The following CCDC192 variants were observed in gnomAD, a reference collection of about 807,000 sequenced individuals.
CCDC192 encodes coiled-coil domain containing 192.
chr5:127,919,183 T>A (rs956152503), intron 6 of CCDC192, among the ~76,000 whole-genome samples: 2 of 151,890 alleles, frequency 1.3e-5, no homozygotes, highest in African/African-American at 4.8e-5. Context: ...TGATGCAGCT[T>A]ATCCAGTTTG....
At chr5:127,847,367 A>G (rs149850167) in intron 5 of CCDC192, among the ~76,000 whole-genome samples, 2 of 152,278 alleles carry the variant, frequency 1.3e-5, no homozygotes, top group African/African-American at 4.8e-5. Flanking sequence ...ATAGTCCGTT[A>G]TATTTTTGCT....
At chr5:127,871,943 T>C (rs535555714) in intron 5 of CCDC192, among the ~76,000 whole-genome samples, 3 of 152,332 alleles carry the variant, frequency 2.0e-5, no homozygotes, top group Admixed American at 2.0e-4. Context: ...TCCTAGTTAC[T>C]AAGGAGACCA....
chr5:127,888,003 T>G (rs1249553892), intron 6 of CCDC192, among the ~76,000 whole-genome samples: 1 of 151,820 alleles, frequency 6.6e-6, no homozygotes, highest in Non-Finnish European at 1.5e-5. Flanking sequence ...GCGCCCAACC[T>G]TATTTACTAT....
At chr5:127,743,397 G>C (rs1753536756) in intron 2 of CCDC192, among the ~76,000 whole-genome samples, 1 of 152,108 alleles carries the variant, frequency 6.6e-6, no homozygotes, top group Non-Finnish European at 1.5e-5. Context: ...TTTCTGCATT[G>C]GAGTAGCCAT....
intron 5 of CCDC192, among the ~76,000 whole-genome samples, chr5:127,831,484 A>G (rs2127042925): frequency 6.6e-6 from 1 of 152,074 alleles, no homozygotes; most frequent in East Asian, 1.9e-4. Flanking sequence ...TTCTCACATT[A>G]CTTTCTTCCC....
At chr5:127,840,885 G>A (rs1161249558) in intron 5 of CCDC192, among the ~76,000 whole-genome samples, 1 of 152,178 alleles carries the variant, frequency 6.6e-6, no homozygotes, top group Non-Finnish European at 1.5e-5. Context: ...GGGTTTTTAA[G>A]TTTGATGAAT....
At chr5:127,731,663 CAGATA>C (rs1404419445) in intron 2 of CCDC192, among the ~76,000 whole-genome samples, 1 of 152,150 alleles carries the variant, frequency 6.6e-6, no homozygotes, top group Admixed American at 6.6e-5. Context: ...CGTACAAAAA[CAGATA>C]CATAGACCAA....
At chr5:127,864,441 G>A (rs1751511091) in intron 5 of CCDC192, among the ~76,000 whole-genome samples, 1 of 152,170 alleles carries the variant, frequency 6.6e-6, no homozygotes, top group Admixed American at 6.5e-5. Context: ...ATAGGATATT[G>A]AGATCTACTT....
In CCDC192 at chr5:127,749,550, T is replaced by G. The variant is rs996360833; in HGVS notation, c.115-4718T>G. 2.0e-3 allele frequency among the ~76,000 whole-genome samples: 299 copies of G among 152,094 alleles called. 3 individuals carry two copies. The highest frequency in any genetic ancestry group is 3.4e-3 in the Middle Eastern group (1 of 294). On this transcript the variant is annotated intron_variant, in intron 2 of 6. Coordinates refer to ENST00000514853, the MANE Select transcript of CCDC192 (RefSeq NM_001317938.2). Reference sequence around the variant, plus strand: ...TTGAGGATTTTTGCATCAATGTTCATCAAGGATATTGTTCTAAAATTCTCT... The same window carrying G: ...TTGAGGATTTTTGCATCAATGTTCAGCAAGGATATTGTTCTAAAATTCTCT...
intron 2 of CCDC192, among the ~76,000 whole-genome samples, chr5:127,717,693 CTT>C (rs1430497090): frequency 6.6e-6 from 1 of 151,898 alleles, no homozygotes; most frequent in Non-Finnish European, 1.5e-5. Flanking sequence ...TGGATGGACA[CTT>C]AACCTGGGAA....
At chr5:127,941,148 A>G (rs2126348975) in intron 6 of CCDC192, 34 bp from the exon 7 acceptor site, 1 of 399,000 alleles carries the variant, frequency 2.5e-6, no homozygotes, top group Non-Finnish European at 4.4e-6. Context: ...TCTAATCAAA[A>G]CTGCTCAGAC....
chr5:127,876,974 G>C (rs918219755), intron 6 of CCDC192, among the ~76,000 whole-genome samples: 1 of 152,068 alleles, frequency 6.6e-6, no homozygotes, highest in Non-Finnish European at 1.5e-5. Context: ...AATAAAATCC[G>C]TCACAGAATA....
intron 3 of CCDC192, among the ~76,000 whole-genome samples, chr5:127,763,889 C>A (rs1755068592): frequency 6.6e-6 from 1 of 152,162 alleles, no homozygotes; most frequent in Non-Finnish European, 1.5e-5. Context: ...CAAGAGACTT[C>A]TTTTCAGATC....
At chr5:127,754,674 C>A (rs1200478681) in intron 3 of CCDC192, among the ~76,000 whole-genome samples, 1 of 152,046 alleles carries the variant, frequency 6.6e-6, no homozygotes, top group Admixed American at 6.5e-5. Flanking sequence ...GTTAGGCAAA[C>A]CTTCTTTAAC....
At chr5:127,796,724 A>G (rs1254779970) in intron 3 of CCDC192, among the ~76,000 whole-genome samples, 1 of 152,202 alleles carries the variant, frequency 6.6e-6, no homozygotes, top group East Asian at 1.9e-4. Flanking sequence ...ACCAAGAGTT[A>G]AGTTTCAAAG....
intron 3 of CCDC192, among the ~76,000 whole-genome samples, chr5:127,787,817 AT>A (rs1431766043): frequency 1.3e-5 from 2 of 152,062 alleles, no homozygotes; most frequent in Non-Finnish European, 2.9e-5. Context: ...TATATCCATT[AT>A]GAAACTGGAA....
At chr5:127,783,506 C>T (rs1756362074) in intron 3 of CCDC192, among the ~76,000 whole-genome samples, 1 of 152,078 alleles carries the variant, frequency 6.6e-6, no homozygotes, top group African/African-American at 2.4e-5. Context: ...ATTTCAATTT[C>T]CTTAAATTTA....
rs1219729235 is a variant in CCDC192, at chr5:127,787,208, C to T, written c.223-9895C>T. Among the ~76,000 whole-genome samples the T allele has an allele frequency of 2.0e-5, 3 of 152,192 alleles. No homozygotes were observed. The East Asian group carries it at 5.8e-4, about 29-fold the overall frequency. On this transcript the variant is annotated intron_variant, in intron 3 of 6. Coordinates refer to ENST00000514853, the MANE Select transcript of CCDC192 (RefSeq NM_001317938.2). Reference sequence around the variant, plus strand: ...AAATATATTGCAGGCAAACTCACATCTCCATGGTACCCAAAAGGCTCCCCT... The same window carrying T: ...AAATATATTGCAGGCAAACTCACATTTCCATGGTACCCAAAAGGCTCCCCT...
intron 3 of CCDC192, chr5:127,786,722 AT>A: frequency 1.4e-6 from 1 of 724,194 alleles, no homozygotes; most frequent in South Asian, 1.5e-5. Context: ...TGTCCATCAA[AT>A]CTTCTCCATG....
Sources: allele counts gnomAD v4.1 joint callset (sites outside exome capture counted in the v4.1 genomes callset), GRCh38; gene constraint gnomAD v4.1.1; transcripts MANE v1.5; gene names NCBI Gene and HGNC (gene_info 2026-07-23, HGNC 2026-07-21).